Variants in CHN1 observed in about 807,000 individuals in gnomAD.
CHN1 encodes chimerin 1.
A neutral mutation model predicts 59.5 loss-of-function variants in CHN1; 37 were observed. The ratio of observed to expected loss-of-function variants is 0.62; its 90% CI spans 0.48 to 0.82. The LOEUF is 0.82. Among genes scored for constraint, CHN1 ranks in the 40% least tolerant of loss-of-function variants. The pLI is 0.00. For missense variants in CHN1, 469 were observed against 571.0 expected, an observed-to-expected ratio of 0.82 and a Z score of 1.82; for synonymous variants, 206 against 200.4, an observed-to-expected ratio of 1.03 and a Z score of -0.24.
At chr2:174,920,201 T>C (rs943405453) in intron 3 of CHN1, among the ~76,000 whole-genome samples, 1 of 152,216 alleles carries the variant, frequency 6.6e-6, no homozygotes, top group African/African-American at 2.4e-5. Flanking sequence ...TATGTATATA[T>C]ACACCACATT....
chr2:174,927,336 G>A (rs1454902882), intron 3 of CHN1, among the ~76,000 whole-genome samples: 2 of 152,132 alleles, frequency 1.3e-5, no homozygotes, highest in African/African-American at 4.8e-5. Context: ...ATGATTACAG[G>A]CATGAGCCAC....
At chr2:174,804,128 T>C (rs1684813745) in intron 11 of CHN1, among the ~76,000 whole-genome samples, 1 of 152,218 alleles carries the variant, frequency 6.6e-6, no homozygotes, top group South Asian at 2.1e-4. Context: ...ATTGGAAGTG[T>C]TGGGGGCGTT....
intron 1 of CHN1, among the ~76,000 whole-genome samples, chr2:174,978,746 G>A (rs1691037765): frequency 6.6e-6 from 1 of 152,204 alleles, no homozygotes; most frequent in Non-Finnish European, 1.5e-5. Flanking sequence ...TTTTGATAGT[G>A]TGAAATGTAG....
chr2:174,875,289 T>A (rs1257258944), intron 6 of CHN1, among the ~76,000 whole-genome samples: 1 of 152,230 alleles, frequency 6.6e-6, no homozygotes, highest in Non-Finnish European at 1.5e-5. Flanking sequence ...AAATGCCTTA[T>A]CTCATATGAA....
At position 174,893,814 on chromosome 2, in the gene CHN1, T is replaced by C. The variant is rs184667248; in HGVS notation, c.261-15686A>G. 3.3e-3 allele frequency among the ~76,000 whole-genome samples: 508 copies of C among 152,264 alleles called. 1 individual carries two copies. The highest frequency in any genetic ancestry group is 5.5e-3 in the Non-Finnish European group (374 of 68,002). ...TGAAAGAGAACAGAGAGCTCAGATATAAACTGTCATGTGTATGGTCAAATG... is the reference window on the plus strand; with the variant it reads ...TGAAAGAGAACAGAGAGCTCAGATACAAACTGTCATGTGTATGGTCAAATG... On this transcript the variant is annotated intron_variant, in intron 5 of 12. Coordinates refer to ENST00000409900, the MANE Select transcript of CHN1 (RefSeq NM_001822.7).
At chr2:174,890,747 C>T (rs1293260881) in intron 5 of CHN1, among the ~76,000 whole-genome samples, 3 of 152,074 alleles carry the variant, frequency 2.0e-5, no homozygotes, top group Non-Finnish European at 4.4e-5. Flanking sequence ...TAGGCACATA[C>T]AGAACACTCC....
At chr2:174,973,638 T>C (rs1038954119) in intron 1 of CHN1, among the ~76,000 whole-genome samples, 2 of 152,164 alleles carry the variant, frequency 1.3e-5, no homozygotes, top group Non-Finnish European at 2.9e-5. Flanking sequence ...GCCAGGTTGA[T>C]GTGAGTTTCA....
chr2:174,974,191 AT>A (rs1690848218), intron 1 of CHN1, among the ~76,000 whole-genome samples: 2 of 150,522 alleles, frequency 1.3e-5, no homozygotes, highest in African/African-American at 5.0e-5. Flanking sequence ...AAATATTCAA[AT>A]AGAGTCTTCT....
intron 1 of CHN1, among the ~76,000 whole-genome samples, chr2:174,964,412 A>G (rs1358834433): frequency 6.6e-6 from 1 of 152,242 alleles, no homozygotes; most frequent in Admixed American, 6.5e-5. Flanking sequence ...AGAACTATTA[A>G]AAACAAAAAA....
In CHN1 at chr2:174,864,132, TTTTC is replaced by T. The variant is rs533999186; in HGVS notation, c.549+13704_549+13707del. On this transcript the variant is annotated intron_variant, in intron 6 of 12. Coordinates refer to ENST00000409900, the MANE Select transcript of CHN1 (RefSeq NM_001822.7). The stretch of plus-strand genomic sequence containing the variant: ...GAGGGTTTCTGTTTGTTTGCTTCTG[TTTTC>T]TTTTTCTTTTTTTTAACTTCTAAAT... 2.1e-3 allele frequency among the ~76,000 whole-genome samples: 325 copies of T among 152,236 alleles called. 2 individuals are homozygous for T. Among genetic ancestry groups the T allele is most frequent in the Middle Eastern group, 6.8e-3 (2 of 294 alleles).
At chr2:174,990,911 G>A (rs1295468000) in intron 1 of CHN1, among the ~76,000 whole-genome samples, 2 of 151,992 alleles carry the variant, frequency 1.3e-5, no homozygotes, top group Non-Finnish European at 1.5e-5. Flanking sequence ...AGACTTAAGA[G>A]GCAAAATCAT....
chr2:174,986,632 C>T (rs570982100), intron 1 of CHN1, among the ~76,000 whole-genome samples: 2 of 152,290 alleles, frequency 1.3e-5, no homozygotes, highest in East Asian at 1.9e-4. Context: ...GTAAGACCAA[C>T]CAACCCCTCC....
intron 6 of CHN1, among the ~76,000 whole-genome samples, chr2:174,861,513 C>T (rs1227021553): frequency 6.6e-6 from 1 of 152,122 alleles, no homozygotes; most frequent in African/African-American, 2.4e-5. Context: ...AGTCTCCTGC[C>T]CTTATACTGT....
chr2:174,963,316 TAGTA>T (rs1690478833), intron 1 of CHN1, among the ~76,000 whole-genome samples: 1 of 152,200 alleles, frequency 6.6e-6, no homozygotes, highest in Non-Finnish European at 1.5e-5. Flanking sequence ...AATAGGTCTA[TAGTA>T]AGTATTTGCT....
chr2:174,995,334 G>A (rs1408166808), intron 1 of CHN1, among the ~76,000 whole-genome samples: 1 of 152,178 alleles, frequency 6.6e-6, no homozygotes, highest in African/African-American at 2.4e-5. Flanking sequence ...TTTTTAAGTT[G>A]CATGCTATTC....
intron 1 of CHN1, among the ~76,000 whole-genome samples, chr2:174,971,356 T>C (rs947046725): frequency 5.3e-5 from 8 of 152,242 alleles, no homozygotes; most frequent in Non-Finnish European, 8.8e-5. Context: ...GTGTTATTTA[T>C]GTTAACATGT....
At chr2:174,824,612 T>TTATATA in intron 7 of CHN1, 94 bp from the exon 8 acceptor site, 2 of 571,628 alleles carry the variant, frequency 3.5e-6, no homozygotes, top group Non-Finnish European at 6.0e-6. Context: ...AAGCCACATA[T>TTATATA]TCTATATATA....
intron 6 of CHN1, among the ~76,000 whole-genome samples, chr2:174,857,903 AT>A (rs1686953780): frequency 6.6e-6 from 1 of 152,160 alleles, no homozygotes. Context: ...AATCATAAAC[AT>A]TTTCACTTTT....
chr2:174,833,254 A>G (rs1172387564), intron 7 of CHN1, among the ~76,000 whole-genome samples: 1 of 152,154 alleles, frequency 6.6e-6, no homozygotes, highest in Non-Finnish European at 1.5e-5. Context: ...ACCTGTTATT[A>G]GGTACATATA....
Sources: allele counts gnomAD v4.1 joint callset (sites outside exome capture counted in the v4.1 genomes callset), GRCh38; gene constraint gnomAD v4.1.1; transcripts MANE v1.5; gene names NCBI Gene and HGNC (gene_info 2026-07-23, HGNC 2026-07-21).